Variants in CFAP44 observed in about 807,000 individuals in gnomAD.
CFAP44 encodes the protein cilia- and flagella-associated protein 44.
A neutral mutation model predicts 216.2 loss-of-function variants in CFAP44; 134 were observed. The observed-to-expected ratio is 0.62, with a 90% CI of 0.54 to 0.72. CFAP44 has a LOEUF of 0.72. Ranked by LOEUF, CFAP44 falls within the 30% of genes least tolerant of loss-of-function variation. CFAP44 has a pLI of 0.00. For synonymous variants in CFAP44, 700 were observed against 727.6 expected (o/e 0.96, Z 0.61); for missense variants, 2,035 against 2,182.1 (o/e 0.93, Z 1.34).
chr3:113,322,560 T>C (rs181839063), intron 28 of CFAP44, among the ~76,000 whole-genome samples: 5 of 152,144 alleles, frequency 3.3e-5, no homozygotes, highest in African/African-American at 9.7e-5. Flanking sequence ...CCAGTCAGAA[T>C]AACTATTATT....
rs759840353 is a variant in CFAP44 at position 113,379,552 on chromosome 3, C to T, written c.2053-1G>A. Reference sequence around the variant, plus strand: ...CCCTCTTTTCAATTTCTATTAATCTCTTTTAAAATAAACATTAAGTAGGTA... The same window carrying T: ...CCCTCTTTTCAATTTCTATTAATCTTTTTTAAAATAAACATTAAGTAGGTA... On this transcript the variant is annotated splice_acceptor_variant, in intron 16 of 34. Coordinates refer to ENST00000393845, the MANE Select transcript of CFAP44 (RefSeq NM_001164496.2). LOFTEE classifies it high-confidence loss of function. 2 of 1,566,684 alleles carry T rather than the reference C, an allele frequency of 1.3e-6. No homozygotes were observed. Among genetic ancestry groups the T allele is most frequent in the Non-Finnish European group, 1.7e-6 (2 of 1,144,456 alleles).
intron 1 of CFAP44, among the ~76,000 whole-genome samples, chr3:113,435,986 A>AT (rs1935230091): frequency 6.8e-6 from 1 of 146,400 alleles, no homozygotes; most frequent in Non-Finnish European, 1.5e-5. Flanking sequence ...CTTCCACCTA[A>AT]TTGTAGAATA....
In CFAP44 at chr3:113,363,212, C is replaced by A. The variant is rs1167001428; in HGVS notation, c.2867G>T (p.Arg956Met). 1 of 1,613,210 alleles carries A rather than the reference C, an allele frequency of 6.2e-7. No individual in the cohort carries two copies. Among genetic ancestry groups the A allele is most frequent in the Non-Finnish European group, 8.5e-7 (1 of 1,179,742 alleles). The part of the protein sequence containing the change: ...ARKREQIKAL[R>M]SEFCNLLEMN... ...TTCTAATAGATTACAAAATTCACTC[C>A]TCAAAGCTTTGATTTGCTCTCTCTT... The change falls in exon 21 of 35, where the codon AGG (arginine) becomes ATG (methionine). Residue 956 changes from arginine to methionine, a missense_variant. Coordinates refer to ENST00000393845, the MANE Select transcript of CFAP44 (RefSeq NM_001164496.2).
intron 24 of CFAP44, among the ~76,000 whole-genome samples, chr3:113,337,042 G>C (rs1244216555): frequency 6.6e-6 from 1 of 150,724 alleles, no homozygotes; most frequent in Non-Finnish European, 1.5e-5. Context: ...AAATGACATG[G>C]TTGTCTACAC....
intron 18 of CFAP44, among the ~76,000 whole-genome samples, chr3:113,369,234 T>C (rs1363874996): frequency 1.3e-5 from 2 of 152,222 alleles, no homozygotes; most frequent in African/African-American, 4.8e-5. Flanking sequence ...CAAGCAGATC[T>C]AATAGACATC....
Position 113,401,691 on chromosome 3 carries a change from C to A in CFAP44, c.1219G>T (p.Gly407Ter). The change falls in exon 10 of 35, where the codon GGA (glycine) becomes TGA (stop). Residue 407 changes from glycine to a stop codon, truncating the protein, a stop_gained. Transcript: ENST00000393845. LOFTEE classifies it high-confidence loss of function. Reference sequence around the variant, plus strand: ...TTAATAGGCTCAATCTCCAACAATCCAGTCTCATCTATTACATCAGCAGTG... The same window carrying A: ...TTAATAGGCTCAATCTCCAACAATCAAGTCTCATCTATTACATCAGCAGTG... ...IDTADVIDET[G>*]LLEIEPINEL... The A allele has an allele frequency of 6.2e-7, 1 of 1,613,512 alleles. No homozygotes were observed. Among genetic ancestry groups the A allele is most frequent in the Non-Finnish European group, 8.5e-7 (1 of 1,179,678 alleles).
chr3:113,330,823 C>G (rs1164291831), intron 25 of CFAP44, among the ~76,000 whole-genome samples, 155 bp from the exon 26 acceptor site: 1 of 152,080 alleles, frequency 6.6e-6, no homozygotes, highest in Non-Finnish European at 1.5e-5. Context: ...TTTCCCTTTT[C>G]TTTAATATTG....
chr3:113,434,995 A>C (rs564838887), intron 1 of CFAP44: 1 of 152,352 alleles, frequency 6.6e-6, no homozygotes, highest in Non-Finnish European at 1.5e-5. Flanking sequence ...GTGACATCAT[A>C]ATGATGCCTT....
At chr3:113,406,205 C>T (rs1032893464) in intron 8 of CFAP44, among the ~76,000 whole-genome samples, 1 of 152,152 alleles carries the variant, frequency 6.6e-6, no homozygotes, top group Non-Finnish European at 1.5e-5. Flanking sequence ...GCAGATGCCT[C>T]TATAAAGTGG....
intron 34 of CFAP44, chr3:113,294,196 C>T (rs1576532527): frequency 2.7e-6 from 1 of 369,252 alleles, no homozygotes; most frequent in East Asian, 7.4e-5. Flanking sequence ...TTAGGTATAT[C>T]CACCACATAC....
intron 17 of CFAP44, among the ~76,000 whole-genome samples, chr3:113,378,954 G>A (rs1933428169): frequency 6.6e-6 from 1 of 152,080 alleles, no homozygotes; most frequent in African/African-American, 2.4e-5. Context: ...GTCTTGGTTG[G>A]AAAAACCCCT....
intron 29 of CFAP44, 123 bp downstream of exon 29, chr3:113,308,035 A>G: frequency 1.5e-6 from 1 of 683,050 alleles, no homozygotes; most frequent in Non-Finnish European, 2.4e-6. Context: ...AGACTCTATA[A>G]CATACATTTT....
Position 113,379,396 on chromosome 3 carries a change from TTCTTCCTCCTCCTCCTCCTCTTTCTCC to T in CFAP44, c.2181_2207del (p.Lys729_Glu737del). ...GAATAAATATTTCAGGTAATGGCTC[TTCTTCCTCCTCCTCCTCCTCTTTCTCC>T]TCTTCCTCCTCCTGAAATTCTTTTT... On this transcript the variant is annotated inframe_deletion, in exon 17 of 35. Coordinates refer to ENST00000393845, the MANE Select transcript of CFAP44 (RefSeq NM_001164496.2). 6.2e-7 allele frequency: 1 copy of T among 1,612,840 alleles called. No homozygotes were observed. The highest frequency in any genetic ancestry group is 8.5e-7 in the Non-Finnish European group (1 of 1,179,186).
At chr3:113,375,786 A>C (rs1933325715) in intron 17 of CFAP44, among the ~76,000 whole-genome samples, 1 of 152,178 alleles carries the variant, frequency 6.6e-6, no homozygotes, top group Admixed American at 6.5e-5. Context: ...GCACCATTGC[A>C]CTCCAGCCTG....
At chr3:113,416,674 T>C (rs760447847) in intron 5 of CFAP44, 47 bp from the exon 6 acceptor site, 9 of 1,364,996 alleles carry the variant, frequency 6.6e-6, no homozygotes, top group Non-Finnish European at 8.2e-6. Flanking sequence ...AAGATTTTTG[T>C]ATAAATAGTC....
At chr3:113,433,543 T>C (rs758756999) in intron 2 of CFAP44, 22 bp downstream of exon 2, 1 of 1,514,974 alleles carries the variant, frequency 6.6e-7, no homozygotes, top group Non-Finnish European at 9.1e-7. Flanking sequence ...CTTTTAAAAG[T>C]ATACATATTA....
intron 25 of CFAP44, 95 bp downstream of exon 25, chr3:113,333,311 C>T: frequency 9.5e-7 from 1 of 1,055,856 alleles, no homozygotes; most frequent in South Asian, 1.6e-5. Flanking sequence ...GTTATATATT[C>T]TTATTGACCA....
At chr3:113,401,324 A>T (rs1346674551) in intron 10 of CFAP44, 37 bp from the exon 11 acceptor site, 5 of 1,539,558 alleles carry the variant, frequency 3.2e-6, no homozygotes, top group Non-Finnish European at 3.5e-6. Flanking sequence ...TTATCATTTT[A>T]AACTTTCATC....
At chr3:113,379,601 T>C (rs78933417) in intron 16 of CFAP44, 50 bp from the exon 17 acceptor site, 50,750 of 1,424,246 alleles carry the variant, frequency 0.036, 1,202 homozygotes, top group East Asian at 0.11. Context: ...GACTCATTCG[T>C]TCATTTACAC....
Sources: gnomAD v4.1 joint callset for allele counts (sites outside exome capture counted in the v4.1 genomes callset) on GRCh38, gnomAD v4.1.1 for gene constraint, MANE v1.5 for transcripts, NCBI Gene and HGNC (gene_info 2026-07-23, HGNC 2026-07-21) for gene names.